The following ERC2 variants were observed in gnomAD, a reference collection of about 807,000 sequenced individuals.
The protein encoded by ERC2 is ERC protein 2.
A neutral mutation model predicts 114.8 loss-of-function variants in ERC2; 42 were observed. The ratio of observed to expected loss-of-function variants is 0.37; its 90% CI spans 0.29 to 0.47. ERC2 has a LOEUF of 0.47. Among genes scored for constraint, ERC2 ranks in the 20% least tolerant of loss-of-function variants. The probability of loss-of-function intolerance (pLI) is 0.99; values close to 1 mark genes in which losing one functional copy is unlikely to be tolerated. For synonymous variants in ERC2, 454 were observed against 425.5 expected (o/e 1.07, Z -0.82); for missense variants, 939 against 1,150.7 (o/e 0.82, Z 2.66).
intron 15 of ERC2, among the ~76,000 whole-genome samples, chr3:55,707,303 G>A (rs532229468): frequency 1.6e-4 from 24 of 152,284 alleles, no homozygotes; most frequent in African/African-American, 5.8e-4. Context: ...GCTAAGTGTG[G>A]TGGTGCATGC....
At chr3:56,231,740 C>G (rs185828049) in intron 3 of ERC2, among the ~76,000 whole-genome samples, 76 of 152,208 alleles carry the variant, frequency 5.0e-4, no homozygotes, top group African/African-American at 1.8e-3. Context: ...TAAGCACTAC[C>G]GTCAGCTGAT....
intron 14 of ERC2, among the ~76,000 whole-genome samples, chr3:55,776,666 A>G (rs566890613): frequency 5.3e-5 from 8 of 152,328 alleles, no homozygotes; most frequent in African/African-American, 1.4e-4. Flanking sequence ...TATTAACTCC[A>G]GAACATCCTG....
At position 55,621,236 on chromosome 3, in the gene ERC2, G is replaced by T. The variant is rs192340420; in HGVS notation, c.*39+62558C>A. On this transcript the variant is annotated intron_variant, in intron 17 of 17. Transcript: ENST00000288221. ...AAAAGAGGGAGATAACACCTCTTGA[G>T]ACACTACTATAAAACACCCAAGTGG... Among the ~76,000 whole-genome samples, 134 of 151,844 alleles carry T rather than the reference G, an allele frequency of 8.8e-4. 1 individual carries two copies. The highest frequency in any genetic ancestry group is 3.4e-3 in the Middle Eastern group (1 of 294).
At chr3:55,810,814 T>C (rs1017921450) in intron 14 of ERC2, among the ~76,000 whole-genome samples, 3 of 152,208 alleles carry the variant, frequency 2.0e-5, no homozygotes, top group African/African-American at 7.2e-5. Flanking sequence ...TTAATGGGTA[T>C]ATTGTTGTTG....
chr3:55,840,869 T>A (rs556207424), intron 14 of ERC2, among the ~76,000 whole-genome samples: 1 of 152,094 alleles, frequency 6.6e-6, no homozygotes, highest in Non-Finnish European at 1.5e-5. Flanking sequence ...CATTGACGAT[T>A]CCATTTACGT....
At chr3:55,862,761 C>T (rs1250952161) in intron 14 of ERC2, among the ~76,000 whole-genome samples, 2 of 152,180 alleles carry the variant, frequency 1.3e-5, no homozygotes, top group Non-Finnish European at 2.9e-5. Context: ...AAACCTGTCA[C>T]ACTTCCCTTT....
At chr3:56,063,448 A>C (rs1219680785) in intron 7 of ERC2, among the ~76,000 whole-genome samples, 1 of 152,230 alleles carries the variant, frequency 6.6e-6, no homozygotes, top group Non-Finnish European at 1.5e-5. Context: ...TTTAGCATTT[A>C]AGTTCGGATT....
At chr3:55,807,868 C>T (rs1001940755) in intron 14 of ERC2, among the ~76,000 whole-genome samples, 9 of 152,086 alleles carry the variant, frequency 5.9e-5, no homozygotes, top group Non-Finnish European at 1.0e-4. Context: ...TCCTTGGAAC[C>T]CAATAATTAT....
intron 3 of ERC2, among the ~76,000 whole-genome samples, chr3:56,266,845 A>G (rs2053340724): frequency 6.6e-6 from 1 of 152,224 alleles, no homozygotes; most frequent in Non-Finnish European, 1.5e-5. Flanking sequence ...TAAAACTACC[A>G]TATGACACAG....
intron 17 of ERC2, among the ~76,000 whole-genome samples, chr3:55,628,079 TA>T (rs1003046582): frequency 2.9e-5 from 4 of 139,096 alleles, no homozygotes; most frequent in Non-Finnish European, 4.7e-5. Context: ...TCTTTTATTG[TA>T]AAAAGTCTCT....
chr3:56,447,006 G>T (rs998617702), intron 1 of ERC2, among the ~76,000 whole-genome samples: 7 of 152,184 alleles, frequency 4.6e-5, no homozygotes, highest in South Asian at 2.1e-4. Flanking sequence ...GGCCTCATAG[G>T]TGCGCCTCCG....
intron 12 of ERC2, among the ~76,000 whole-genome samples, chr3:55,951,713 T>C (rs2067530792): frequency 6.6e-6 from 1 of 151,864 alleles, no homozygotes; most frequent in African/African-American, 2.4e-5. Flanking sequence ...CTTTCCCCCA[T>C]ACCACAGCAT....
At chr3:55,589,406 G>C (rs1236607167) in intron 17 of ERC2, among the ~76,000 whole-genome samples, 1 of 152,138 alleles carries the variant, frequency 6.6e-6, no homozygotes, top group East Asian at 1.9e-4. Context: ...ACACGTGACG[G>C]TCATTTGGCA....
intron 3 of ERC2, among the ~76,000 whole-genome samples, chr3:56,253,878 TG>T (rs2052343961): frequency 6.6e-6 from 1 of 152,206 alleles, no homozygotes; most frequent in Non-Finnish European, 1.5e-5. Flanking sequence ...CAATCCAGCC[TG>T]GGCTACAGAG....
At chr3:56,046,416 G>A (rs916189801) in intron 7 of ERC2, among the ~76,000 whole-genome samples, 5 of 152,100 alleles carry the variant, frequency 3.3e-5, no homozygotes, top group Non-Finnish European at 7.4e-5. Context: ...CATAGACATC[G>A]GTGGTATTTA....
intron 2 of ERC2, among the ~76,000 whole-genome samples, chr3:56,420,943 T>C (rs1465273142): frequency 6.6e-6 from 1 of 151,790 alleles, no homozygotes; most frequent in Non-Finnish European, 1.5e-5. Context: ...AGGGATTTTA[T>C]AGAAAGTGGA....
intron 3 of ERC2, among the ~76,000 whole-genome samples, chr3:56,276,465 A>AAAAAAAAAAAAAC (rs2054000165): frequency 1.3e-5 from 2 of 151,186 alleles, no homozygotes; most frequent in African/African-American, 4.8e-5. Context: ...CAGCTAAAAA[A>AAAAAAAAAAAAAC]AAAAAAAAAA....
chr3:56,367,263 C>CCTTTTT (rs1560682480), intron 2 of ERC2, among the ~76,000 whole-genome samples: 3 of 143,038 alleles, frequency 2.1e-5, no homozygotes, highest in African/African-American at 8.5e-5. Context: ...CAATGGGCAG[C>CCTTTTT]ATTTTTTTTT....
chr3:55,555,403 C>T (rs2055532969), intron 17 of ERC2, among the ~76,000 whole-genome samples: 1 of 152,156 alleles, frequency 6.6e-6, no homozygotes, highest in African/African-American at 2.4e-5. Flanking sequence ...GGTGAGGAAA[C>T]AGCATCTCCT....
Sources: gnomAD v4.1 joint callset for allele counts (sites outside exome capture counted in the v4.1 genomes callset) on GRCh38, gnomAD v4.1.1 for gene constraint, MANE v1.5 for transcripts, NCBI Gene and HGNC (gene_info 2026-07-23, HGNC 2026-07-21) for gene names.